HOXD3: variants seen among roughly 807,000 people sequenced by gnomAD.
HOXD3 encodes the protein homeobox protein Hox-D3.
A neutral mutation model predicts 32.8 loss-of-function variants in HOXD3; 13 were observed. The observed-to-expected ratio is 0.40, with a 90% CI of 0.26 to 0.63. The LOEUF is 0.63. Among genes scored for constraint, HOXD3 ranks in the 20% least tolerant of loss-of-function variants. HOXD3 has a pLI of 0.44. For missense variants in HOXD3, 504 were observed against 577.1 expected, an observed-to-expected ratio of 0.87 and a Z score of 1.30; for synonymous variants, 241 against 246.8, an observed-to-expected ratio of 0.98 and a Z score of 0.22.
At chr2:176,162,968 C>T (rs1690853514) in intron 1 of HOXD3, among the ~76,000 whole-genome samples, 1 of 152,190 alleles carries the variant, frequency 6.6e-6, no homozygotes, top group African/African-American at 2.4e-5. Flanking sequence ...AGCCCTGGTA[C>T]CTCGGGCCTC....
chr2:176,171,768 C>G lies in HOXD3; in HGVS notation c.793C>G (p.Gln265Glu). 1.2e-6 allele frequency: 2 copies of G among 1,614,056 alleles called. No homozygotes were observed. Among genetic ancestry groups the G allele is most frequent in the Non-Finnish European group, 1.7e-6 (2 of 1,180,034 alleles). The change falls in exon 4 of 4, where the codon CAG (glutamine) becomes GAG (glutamate). Residue 265 changes from glutamine (Q) to glutamate (E), a missense_variant. This residue lies in a region of HOXD3 where 226 missense variants were observed against 246.9 expected (regional missense o/e 0.92). Transcript: ENST00000683222. The stretch of plus-strand genomic sequence containing the variant: ...GGGCATCCTGCACTCGCCGGCTAGC[C>G]AGTCCCCTGAGCGCAGCCCACCGCT... Reference protein sequence around the residue: ...AKGILHSPASQSPERSPPLGG... With the variant: ...AKGILHSPASESPERSPPLGG...
At chr2:176,165,029 G>A (rs1040434584) in intron 2 of HOXD3, 9 of 152,248 alleles carry the variant, frequency 5.9e-5, no homozygotes, top group Admixed American at 1.3e-4. Flanking sequence ...GCAGAAGCAG[G>A]CGCCGGTCAC....
At chr2:176,157,861 G>GAGGTTGCC (rs1690682541) in intron 1 of HOXD3, among the ~76,000 whole-genome samples, 1 of 152,108 alleles carries the variant, frequency 6.6e-6, no homozygotes, top group African/African-American at 2.4e-5. Flanking sequence ...CACGCGGGCC[G>GAGGTTGCC]AGGTTGCCTG....
chr2:176,157,916 G>A (rs1690683967), intron 1 of HOXD3, among the ~76,000 whole-genome samples: 1 of 152,244 alleles, frequency 6.6e-6, no homozygotes, highest in Admixed American at 6.5e-5. Context: ...CACGGCATCT[G>A]CCGCCTATTC....
chr2:176,169,484 C>A lies in HOXD3; in HGVS notation c.370C>A (p.Pro124Thr). The A allele has an allele frequency of 6.2e-7, 1 of 1,613,706 alleles. No individual in the cohort carries two copies. Among genetic ancestry groups the A allele is most frequent in the Non-Finnish European group, 8.5e-7 (1 of 1,179,824 alleles). Residue 124 changes from proline to threonine, a missense_variant, in exon 3 of 4, where the codon CCG becomes ACG. Around this residue, in one of 3 missense-constraint regions of HOXD3, gnomAD observed 181 missense variants for 172.2 expected, o/e 1.05. Transcript: ENST00000683222. Reference sequence around the variant, plus strand: ...GCCACCACAACCCCCTCCTCCACCACCGACCCTGCCCCCATCTTCACCCAC... The same window carrying A: ...GCCACCACAACCCCCTCCTCCACCAACGACCCTGCCCCCATCTTCACCCAC... The part of the protein sequence containing the change: ...QQPPQPPPPP[P>T]TLPPSSPTNP...
chr2:176,164,892 T>G (rs1024906798), intron 2 of HOXD3: 6 of 152,316 alleles, frequency 3.9e-5, no homozygotes, highest in African/African-American at 1.4e-4. Context: ...TACAAGCAAG[T>G]GCCGAGCCGG....
chr2:176,166,957 A>G (rs924770241), intron 2 of HOXD3, among the ~76,000 whole-genome samples: 4 of 152,252 alleles, frequency 2.6e-5, no homozygotes, highest in African/African-American at 9.6e-5. Flanking sequence ...GTACATCATG[A>G]TGACCAGGAT....
At position 176,171,777 on chromosome 2, in the gene HOXD3, G is replaced by A; in HGVS notation, c.802G>A (p.Glu268Lys). 6.2e-7 allele frequency: 1 copy of A among 1,613,914 alleles called. No individual in the cohort carries two copies. Residue 268 changes from glutamate to lysine, a missense_variant, in exon 4 of 4, where the codon GAG becomes AAG. By Grantham distance (56) the Glu-to-Lys change is moderately conservative (BLOSUM62 1). Transcript: ENST00000683222. The part of the protein sequence containing the change: ...ILHSPASQSP[E>K]RSPPLGGAAG... ...GCACTCGCCGGCTAGCCAGTCCCCT[G>A]AGCGCAGCCCACCGCTCGGCGGCGC...
chr2:176,160,244 C>T (rs1341340182), intron 1 of HOXD3, among the ~76,000 whole-genome samples: 8 of 152,140 alleles, frequency 5.3e-5, no homozygotes, highest in African/African-American at 7.2e-5. Context: ...CTAGGGGTAC[C>T]CTCAGCCTCT....
intron 1 of HOXD3, among the ~76,000 whole-genome samples, chr2:176,160,570 C>T (rs1559137487): frequency 6.6e-6 from 1 of 152,250 alleles, no homozygotes; most frequent in Non-Finnish European, 1.5e-5. Flanking sequence ...GTGAAAGTTT[C>T]AGCCTCAATC....
At chr2:176,160,375 T>C (rs560240354) in intron 1 of HOXD3, among the ~76,000 whole-genome samples, 2 of 152,136 alleles carry the variant, frequency 1.3e-5, no homozygotes, top group East Asian at 3.9e-4. Context: ...GGAGAGACTC[T>C]CAACGCCCCC....
chr2:176,162,797 CG>C (rs1412875993), intron 1 of HOXD3, among the ~76,000 whole-genome samples: 1 of 152,210 alleles, frequency 6.6e-6, no homozygotes, highest in Non-Finnish European at 1.5e-5. Context: ...GTGGCGGCCC[CG>C]GGTGACCTCC....
chr2:176,157,146 C>A (rs1211342638), upstream of HOXD3, among the ~76,000 whole-genome samples: 2 of 152,186 alleles, frequency 1.3e-5, no homozygotes, highest in African/African-American at 2.4e-5. Context: ...CCCTGCCCCC[C>A]GCGCCGGGCT....
chr2:176,158,938 C>G (rs1397110439), intron 1 of HOXD3, among the ~76,000 whole-genome samples: 1 of 152,054 alleles, frequency 6.6e-6, no homozygotes, highest in African/African-American at 2.4e-5. Context: ...TCCCAAGGCC[C>G]CGGCTTGGCG....
Position 176,172,686 on chromosome 2 carries a change from T to C in HOXD3, c.*412T>C, listed in dbSNP as rs1255771676. The C allele has an allele frequency of 1.0e-5, 2 of 192,412 alleles. No homozygotes were observed. Among genetic ancestry groups the C allele is most frequent in the African/African-American group, 2.3e-5 (1 of 42,848 alleles). The allele number at this position is 192,412 out of a possible 1,614,324, so 11.9% of individuals were successfully genotyped here. On this transcript the variant is annotated 3_prime_UTR_variant, in exon 4 of 4. Coordinates refer to ENST00000683222, the MANE Select transcript of HOXD3 (RefSeq NM_006898.5). ...AATTTATATTCTCCTTCCTGTGCCG[T>C]AAGGATTGCATCGGACTAAACTATC...
chr2:176,159,244 G>C (rs1690723157), intron 1 of HOXD3, among the ~76,000 whole-genome samples: 1 of 150,902 alleles, frequency 6.6e-6, no homozygotes, highest in South Asian at 2.1e-4. Context: ...GTGGGGGTGG[G>C]CTGGGGTCAC....
chr2:176,162,424 C>T lies in HOXD3; in HGVS notation c.-180-1649C>T, dbSNP rs555472375. Among the ~76,000 whole-genome samples the T allele has an allele frequency of 3.9e-5, 6 of 152,316 alleles. No individual in the cohort carries two copies. The East Asian group carries it at 1.2e-3, about 29-fold the overall frequency. ...TAGGGTTGGGGCTGCCTGGACTCAG[C>T]TCTTCCTTGACAGCTCACGGACGCA... On this transcript the variant is annotated intron_variant, in intron 1 of 3. Coordinates refer to ENST00000683222, the MANE Select transcript of HOXD3 (RefSeq NM_006898.5).
chr2:176,171,027 G>A (rs1691153754), intron 3 of HOXD3, among the ~76,000 whole-genome samples: 1 of 152,292 alleles, frequency 6.6e-6, no homozygotes, highest in Non-Finnish European at 1.5e-5. Context: ...TTTGCTGGGG[G>A]TTGGTGGGGG....
At chr2:176,153,774 T>G (rs1359715710), upstream of HOXD3, among the ~76,000 whole-genome samples, 1 of 152,204 alleles carries the variant, frequency 6.6e-6, no homozygotes, top group Non-Finnish European at 1.5e-5. Context: ...GAAAATATAT[T>G]TCCACATGTG....
Sources: gnomAD v4.1 joint callset for allele counts (sites outside exome capture counted in the v4.1 genomes callset) on GRCh38, gnomAD v4.1.1 for gene constraint, gnomAD v4.1.1 regional missense constraint, MANE v1.5 for transcripts, NCBI Gene and HGNC (gene_info 2026-07-23, HGNC 2026-07-21) for gene names.